The following GMDS variants were observed in gnomAD, a reference collection of about 807,000 sequenced individuals.
GMDS encodes the protein GDP-mannose 4,6-dehydratase.
Under a neutral mutation model 49.9 loss-of-function variants are expected in GMDS, and 20 were observed. The observed-to-expected ratio is 0.40, with a 90% CI of 0.28 to 0.58. GMDS has a LOEUF of 0.58. Among genes scored for constraint, GMDS ranks in the 20% least tolerant of loss-of-function variants. The pLI, the probability that GMDS is intolerant of heterozygous loss-of-function variation, is 0.42. For synonymous variants in GMDS, 177 were observed against 178.6 expected (o/e 0.99, Z 0.07); for missense variants, 362 against 481.4 (o/e 0.75, Z 2.32).
intron 1 of GMDS, among the ~76,000 whole-genome samples, chr6:2,135,204 TAC>T (rs1322654768): frequency 6.6e-6 from 1 of 152,218 alleles, no homozygotes; most frequent in Non-Finnish European, 1.5e-5. Context: ...AAAACCCATA[TAC>T]AGTTTAGCAC....
At chr6:2,219,011 C>G (rs544189937) in intron 1 of GMDS, among the ~76,000 whole-genome samples, 3 of 152,124 alleles carry the variant, frequency 2.0e-5, no homozygotes, top group African/African-American at 7.2e-5. Flanking sequence ...GAGGGAGGAC[C>G]GCTTGAGCCC....
chr6:2,061,454 T>C (rs1368645383), intron 4 of GMDS, among the ~76,000 whole-genome samples: 1 of 152,116 alleles, frequency 6.6e-6, no homozygotes, highest in Non-Finnish European at 1.5e-5. Flanking sequence ...TGGTGGCTCA[T>C]GCCCGTAATC....
chr6:2,205,324 C>T (rs1489256230), intron 1 of GMDS, among the ~76,000 whole-genome samples: 1 of 152,176 alleles, frequency 6.6e-6, no homozygotes, highest in Non-Finnish European at 1.5e-5. Flanking sequence ...ATAAAACTCC[C>T]CCATTGAAAA....
rs1778261141 is a variant in GMDS, at chr6:2,175,884, G to A, written c.103-51153C>T. 3.1e-6 allele frequency: 3 copies of A among 964,932 alleles called. No individual in the cohort carries two copies. In the East Asian group the frequency reaches 7.8e-5, roughly 25 times the overall value. The allele number at this position is 964,932 out of a possible 1,614,324, so 59.8% of individuals were successfully genotyped here. Reference sequence around the variant, plus strand: ...CCACATAAACAGCCCTATCAGGCTTGTGGCACTATGATTAGCCCCATTTTA... The same window carrying A: ...CCACATAAACAGCCCTATCAGGCTTATGGCACTATGATTAGCCCCATTTTA... On this transcript the variant is annotated intron_variant, in intron 1 of 10. Transcript: ENST00000380815.
At chr6:2,072,903 G>A (rs1345258119) in intron 4 of GMDS, among the ~76,000 whole-genome samples, 1 of 152,160 alleles carries the variant, frequency 6.6e-6, no homozygotes, top group East Asian at 1.9e-4. Flanking sequence ...ATTTCTATTT[G>A]CTTAAATAAG....
At chr6:1,827,730 A>T (rs987315544) in intron 7 of GMDS, among the ~76,000 whole-genome samples, 2 of 152,168 alleles carry the variant, frequency 1.3e-5, no homozygotes, top group African/African-American at 4.8e-5. Flanking sequence ...GACTCAGAAA[A>T]GACCTCACAA....
At chr6:1,655,450 G>GT (rs1283166475) in intron 9 of GMDS, among the ~76,000 whole-genome samples, 1 of 147,724 alleles carries the variant, frequency 6.8e-6, no homozygotes, top group Non-Finnish European at 1.5e-5. Context: ...ATTTACATTA[G>GT]TTTTTTTCCT....
At chr6:2,134,248 T>C (rs1775882586) in intron 1 of GMDS, among the ~76,000 whole-genome samples, 1 of 152,244 alleles carries the variant, frequency 6.6e-6, no homozygotes, top group African/African-American at 2.4e-5. Flanking sequence ...TCTATAGGAC[T>C]AATGCTTTTA....
intron 7 of GMDS, among the ~76,000 whole-genome samples, chr6:1,884,965 G>C (rs574859432): frequency 6.6e-6 from 1 of 152,246 alleles, no homozygotes; most frequent in South Asian, 2.1e-4. Flanking sequence ...TTTTGAAATG[G>C]TGATTTAACT....
At chr6:1,862,965 G>A (rs1195661118) in intron 7 of GMDS, among the ~76,000 whole-genome samples, 1 of 152,042 alleles carries the variant, frequency 6.6e-6, no homozygotes, top group Non-Finnish European at 1.5e-5. Flanking sequence ...AATACTAAAG[G>A]TATAGATAAT....
intron 7 of GMDS, among the ~76,000 whole-genome samples, chr6:1,874,805 T>C (rs1202904785): frequency 1.3e-5 from 2 of 152,168 alleles, no homozygotes; most frequent in Non-Finnish European, 2.9e-5. Flanking sequence ...TGTGTGAAAA[T>C]GTGCTCTAGA....
At chr6:1,980,336 G>T (rs1435354931) in intron 4 of GMDS, among the ~76,000 whole-genome samples, 1 of 151,442 alleles carries the variant, frequency 6.6e-6, no homozygotes, top group East Asian at 1.9e-4. Context: ...TCAAAATAAA[G>T]AAATGAAAGA....
chr6:1,877,146 TC>T (rs1297403309), intron 7 of GMDS, among the ~76,000 whole-genome samples: 1 of 151,650 alleles, frequency 6.6e-6, no homozygotes, highest in Non-Finnish European at 1.5e-5. Flanking sequence ...TAACATTTCT[TC>T]CATCTAACAG....
chr6:2,000,435 T>C (rs1007112379), intron 4 of GMDS, among the ~76,000 whole-genome samples: 3 of 151,934 alleles, frequency 2.0e-5, no homozygotes, highest in African/African-American at 7.3e-5. Flanking sequence ...AGCAGTCACC[T>C]CCCCAACCCC....
intron 7 of GMDS, among the ~76,000 whole-genome samples, chr6:1,923,355 C>G (rs7755133): frequency 6.6e-6 from 1 of 152,122 alleles, no homozygotes; most frequent in African/African-American, 2.4e-5. Flanking sequence ...CTCCACGTGA[C>G]GAGGCAAAGG....
chr6:2,097,208 C>T (rs1773653513), intron 4 of GMDS, among the ~76,000 whole-genome samples: 1 of 152,072 alleles, frequency 6.6e-6, no homozygotes, highest in African/African-American at 2.4e-5. Flanking sequence ...AATCTAAAAA[C>T]TCTGTAGTTT....
At chr6:1,624,766 C>CGAT in intron 9 of GMDS, 1 of 425,766 alleles carries the variant, frequency 2.3e-6, no homozygotes, top group Non-Finnish European at 4.3e-6. Context: ...ACCGTGACCG[C>CGAT]GATCCACCCC....
At chr6:1,821,380 CG>C (rs1372909464) in intron 7 of GMDS, among the ~76,000 whole-genome samples, 1 of 147,944 alleles carries the variant, frequency 6.8e-6, no homozygotes, top group African/African-American at 2.5e-5. Context: ...TGGGTGGGGA[CG>C]GGGGGCAGCT....
intron 1 of GMDS, among the ~76,000 whole-genome samples, chr6:2,217,094 C>T (rs938480894): frequency 7.9e-5 from 12 of 152,154 alleles, no homozygotes; most frequent in African/African-American, 2.9e-4. Flanking sequence ...TGGCTCTGCA[C>T]CCAGCTCAGA....
Sources: allele counts gnomAD v4.1 joint callset (sites outside exome capture counted in the v4.1 genomes callset), GRCh38; gene constraint gnomAD v4.1.1; transcripts MANE v1.5; gene names NCBI Gene and HGNC (gene_info 2026-07-23, HGNC 2026-07-21).